Variants in TMEM178B observed in about 807,000 individuals in gnomAD.
The protein encoded by TMEM178B is transmembrane protein 178B.
A neutral mutation model predicts 31.0 loss-of-function variants in TMEM178B; 5 were observed. That is an observed-to-expected ratio of 0.16 (90% CI 0.08 to 0.34). The LOEUF (loss-of-function observed/expected upper bound fraction) is 0.34. TMEM178B is among the 10% of genes least tolerant of loss of function. The pLI is 1.00. For synonymous variants in TMEM178B, 164 were observed against 164.0 expected (o/e 1.00, Z 0.00); for missense variants, 275 against 400.3 (o/e 0.69, Z 2.67).
intron 2 of TMEM178B, among the ~76,000 whole-genome samples, chr7:141,270,477 G>A (rs187965173): frequency 6.6e-6 from 1 of 152,314 alleles, no homozygotes; most frequent in East Asian, 1.9e-4. Flanking sequence ...AAAGATTCAT[G>A]TAATGTAGTA....
rs186567049 is a variant in TMEM178B at position 141,170,565 on chromosome 7, A to G, written c.383-42026A>G. On this transcript the variant is annotated intron_variant, in intron 1 of 3. Transcript: ENST00000565468. ...TGGAATTTATGGAATTGCTCTGCAA[A>G]TGATACAAAGGTCAGCTGTTACCGA... is the stretch of plus-strand genomic sequence containing the variant. Among the ~76,000 whole-genome samples the G allele has an allele frequency of 5.3e-5, 8 of 152,312 alleles. No homozygotes were observed. In the East Asian group the frequency reaches 1.3e-3, roughly 26 times the overall value.
intron 2 of TMEM178B, among the ~76,000 whole-genome samples, chr7:141,296,251 A>G (rs574314434): frequency 6.6e-6 from 1 of 152,102 alleles, no homozygotes; most frequent in African/African-American, 2.4e-5. Flanking sequence ...TATTTTTAGC[A>G]GAGACGGGGT....
intron 2 of TMEM178B, among the ~76,000 whole-genome samples, chr7:141,364,553 G>A (rs1586914306): frequency 3.3e-5 from 5 of 151,578 alleles, no homozygotes; most frequent in South Asian, 4.2e-4. Flanking sequence ...CCAGCTACTC[G>A]GGAGGCTGAG....
intron 1 of TMEM178B, among the ~76,000 whole-genome samples, chr7:141,120,267 T>C (rs1340371653): frequency 6.6e-6 from 1 of 152,218 alleles, no homozygotes. Context: ...TAATATGCAA[T>C]TTATCAGGTT....
intron 2 of TMEM178B, among the ~76,000 whole-genome samples, chr7:141,290,460 C>A (rs1044345636): frequency 1.3e-5 from 2 of 152,198 alleles, no homozygotes. Flanking sequence ...GGCCTCCCTG[C>A]GAACATTTAC....
chr7:141,498,003 T>C, the TMEM178B span, among the ~76,000 whole-genome samples: 1 of 152,184 alleles, frequency 6.6e-6, no homozygotes, highest in South Asian at 2.1e-4. Flanking sequence ...TTCTTACCTG[T>C]GAAAGGAGGC....
At chr7:141,307,582 G>A (rs1489350807) in intron 2 of TMEM178B, among the ~76,000 whole-genome samples, 1 of 152,328 alleles carries the variant, frequency 6.6e-6, no homozygotes, top group South Asian at 2.1e-4. Flanking sequence ...GGCACTGAGG[G>A]GTCACGGGAC....
rs1302570835 is a variant in TMEM178B, at chr7:141,318,883, T to C, written c.496+106179T>C. On this transcript the variant is annotated intron_variant, in intron 2 of 3. Coordinates refer to ENST00000565468, the MANE Select transcript of TMEM178B (RefSeq NM_001195278.2). This position sits in a 1 kb window ranked among gnomAD's most constrained non-coding sequence, Gnocchi z 4.1. ...TTAAAGAGATCTTTTTTTAACCATATGTGCCAGAAATGCTTACCTTGGATC... is the reference window on the plus strand; with the variant it reads ...TTAAAGAGATCTTTTTTTAACCATACGTGCCAGAAATGCTTACCTTGGATC... 6.6e-6 allele frequency among the ~76,000 whole-genome samples: 1 copy of C among 152,214 alleles called. No homozygotes were observed. The highest frequency in any genetic ancestry group is 1.5e-5 in the Non-Finnish European group (1 of 68,026).
intron 1 of TMEM178B, among the ~76,000 whole-genome samples, chr7:141,140,474 A>C (rs889927535): frequency 4.6e-5 from 7 of 152,260 alleles, no homozygotes; most frequent in African/African-American, 1.7e-4. Context: ...AATCCTGCCC[A>C]TAGTTCCTAT....
intron 1 of TMEM178B, among the ~76,000 whole-genome samples, chr7:141,169,716 G>C (rs1477224034): frequency 1.3e-5 from 2 of 152,144 alleles, no homozygotes; most frequent in Non-Finnish European, 2.9e-5. Flanking sequence ...GGCCTCAAAA[G>C]GCTCACAGAG....
intron 1 of TMEM178B, among the ~76,000 whole-genome samples, chr7:141,102,682 C>G (rs1467913684): frequency 1.3e-5 from 2 of 152,204 alleles, no homozygotes. Context: ...TATTTTTTAA[C>G]CACATTCACA....
chr7:141,423,975 A>T (rs1801267001), intron 2 of TMEM178B, among the ~76,000 whole-genome samples: 1 of 143,074 alleles, frequency 7.0e-6, no homozygotes. Context: ...TGCCCAGCTA[A>T]TTTTTTTTTT....
intron 2 of TMEM178B, among the ~76,000 whole-genome samples, chr7:141,413,704 G>C (rs972946606): frequency 6.6e-6 from 1 of 152,174 alleles, no homozygotes; most frequent in Non-Finnish European, 1.5e-5. Context: ...CTGCGCAGAC[G>C]ATGCTGAAAA....
At chr7:141,101,339 G>C (rs577158742) in intron 1 of TMEM178B, among the ~76,000 whole-genome samples, 34 of 152,250 alleles carry the variant, frequency 2.2e-4, no homozygotes, top group Admixed American at 1.8e-3. Flanking sequence ...TTAAAAACTG[G>C]AATAATAGAT....
rs148289023 is a variant in TMEM178B, at chr7:141,373,483, T to C, written c.497-64125T>C. On this transcript the variant is annotated intron_variant, in intron 2 of 3. Coordinates refer to ENST00000565468, the MANE Select transcript of TMEM178B (RefSeq NM_001195278.2). ...TCTCAGGGGATGCTCTTGGGAACGATGCCTGGAAGGAGTGAAGGAAGCAGG... is the reference window on the plus strand; with the variant it reads ...TCTCAGGGGATGCTCTTGGGAACGACGCCTGGAAGGAGTGAAGGAAGCAGG... 4.6e-3 allele frequency among the ~76,000 whole-genome samples: 694 copies of C among 152,282 alleles called. 5 individuals carry two copies. The highest frequency in any genetic ancestry group is 0.016 in the African/African-American group (649 of 41,566).
chr7:141,086,704 T>G (rs181657522), intron 1 of TMEM178B, among the ~76,000 whole-genome samples: 1 of 152,256 alleles, frequency 6.6e-6, no homozygotes, highest in East Asian at 1.9e-4. Flanking sequence ...ACTTTATTTA[T>G]TTATTTATTT....
At chr7:141,177,973 A>T (rs1455733469) in intron 1 of TMEM178B, among the ~76,000 whole-genome samples, 1 of 152,174 alleles carries the variant, frequency 6.6e-6, no homozygotes, top group Non-Finnish European at 1.5e-5. Flanking sequence ...TGTGAATTTG[A>T]TCTTGCCATT....
At chr7:141,494,151 C>T in the TMEM178B span, among the ~76,000 whole-genome samples, 2 of 152,198 alleles carry the variant, frequency 1.3e-5, no homozygotes, top group Non-Finnish European at 2.9e-5. Flanking sequence ...GCTTCTATCT[C>T]TACTTCATTT....
chr7:141,362,965 ATTGT>A (rs1586913479), intron 2 of TMEM178B, among the ~76,000 whole-genome samples: 2 of 152,204 alleles, frequency 1.3e-5, no homozygotes, highest in Admixed American at 6.5e-5. Flanking sequence ...GCAAAGGGAA[ATTGT>A]TTGAGCAGGT....
Sources: allele counts gnomAD v4.1 joint callset (sites outside exome capture counted in the v4.1 genomes callset), GRCh38; gene constraint gnomAD v4.1.1; non-coding constraint Gnocchi (gnomAD v3.1); transcripts MANE v1.5; gene names NCBI Gene and HGNC (gene_info 2026-07-23, HGNC 2026-07-21).